The following CPEB3 variants were observed in gnomAD, a reference collection of about 807,000 sequenced individuals.
The protein encoded by CPEB3 is cytoplasmic polyadenylation element binding protein 3.
Under a neutral mutation model 67.2 loss-of-function variants are expected in CPEB3, and 20 were observed. That is an observed-to-expected ratio of 0.30 (90% CI 0.21 to 0.43). The LOEUF (loss-of-function observed/expected upper bound fraction) is 0.43, where lower values mean the gene tolerates loss of function less well. CPEB3 is among the 20% of genes least tolerant of loss of function. The pLI, the probability that CPEB3 is intolerant of heterozygous loss-of-function variation, is 1.00. For synonymous variants in CPEB3, 376 were observed against 393.1 expected, an observed-to-expected ratio of 0.96 and a Z score of 0.51; for missense variants, 746 against 968.6, an observed-to-expected ratio of 0.77 and a Z score of 3.05.
rs1233421685 is a variant in CPEB3, at chr10:92,189,938, T to C, written c.1165+2539A>G. 5.3e-5 allele frequency among the ~76,000 whole-genome samples: 8 copies of C among 151,364 alleles called. No individual in the cohort carries two copies. In the East Asian group the frequency reaches 1.5e-3, roughly 29 times the overall value. On this transcript the variant is annotated intron_variant, in intron 3 of 9. Coordinates refer to ENST00000265997, the MANE Select transcript of CPEB3 (RefSeq NM_014912.5). ...TTTTTTTCTGAAAAACAAAGGAAATTAAGCTCTAGGAAAAAAAAACACCAA... is the reference window on the plus strand; with the variant it reads ...TTTTTTTCTGAAAAACAAAGGAAATCAAGCTCTAGGAAAAAAAAACACCAA...
chr10:92,142,168 C>T (rs182589594), intron 6 of CPEB3, among the ~76,000 whole-genome samples: 43 of 152,086 alleles, frequency 2.8e-4, no homozygotes, highest in African/African-American at 1.0e-3. Context: ...TAAAAGGAAG[C>T]CACTTGCCTT....
chr10:92,139,067 T>C (rs1846257404), intron 6 of CPEB3, among the ~76,000 whole-genome samples: 2 of 151,936 alleles, frequency 1.3e-5, no homozygotes, highest in South Asian at 2.1e-4. Context: ...CACCTGAGGT[T>C]GGGAGTTCGA....
chr10:92,148,195 G>C (rs1324494529), intron 4 of CPEB3, among the ~76,000 whole-genome samples: 3 of 152,086 alleles, frequency 2.0e-5, no homozygotes, highest in African/African-American at 7.2e-5. Context: ...ACATAACTGT[G>C]AACTGCAAGG....
At chr10:92,229,571 A>G (rs1234658230) in intron 2 of CPEB3, among the ~76,000 whole-genome samples, 2 of 152,248 alleles carry the variant, frequency 1.3e-5, no homozygotes, top group Non-Finnish European at 2.9e-5. Flanking sequence ...ATGTCAAAGC[A>G]AGAACTCTGC....
intron 3 of CPEB3, among the ~76,000 whole-genome samples, 196 bp downstream of exon 3, chr10:92,192,281 A>G (rs77507593): frequency 0.017 from 2,586 of 152,312 alleles, 31 homozygotes; most frequent in Non-Finnish European, 0.029. Context: ...GACATGACTG[A>G]TAACAATCCA....
intron 1 of CPEB3, among the ~76,000 whole-genome samples, chr10:92,283,672 A>G (rs1409682017): frequency 6.6e-6 from 1 of 151,714 alleles, no homozygotes; most frequent in Non-Finnish European, 1.5e-5. Flanking sequence ...ACTACAAGTT[A>G]ACTTCCCAGT....
intron 6 of CPEB3, among the ~76,000 whole-genome samples, chr10:92,120,789 C>T (rs535174759): frequency 2.0e-5 from 3 of 151,982 alleles, no homozygotes; most frequent in East Asian, 2.0e-4. Flanking sequence ...CAACCTCTGC[C>T]GCCTGGGTTC....
intron 1 of CPEB3, chr10:92,272,006 TC>T (rs1853327706): frequency 6.6e-6 from 1 of 152,210 alleles, no homozygotes; most frequent in African/African-American, 2.4e-5. Flanking sequence ...CATATTTATT[TC>T]TATGGGTCCA....
intron 7 of CPEB3, among the ~76,000 whole-genome samples, chr10:92,094,983 T>C (rs538333644): frequency 1.3e-5 from 2 of 152,300 alleles, no homozygotes; most frequent in Non-Finnish European, 2.9e-5. Context: ...ATTTTAAAAA[T>C]GAAAACTATT....
intron 2 of CPEB3, among the ~76,000 whole-genome samples, chr10:92,217,139 C>T (rs1850453421): frequency 1.5e-5 from 2 of 130,068 alleles, no homozygotes; most frequent in Non-Finnish European, 1.6e-5. Flanking sequence ...ACCTGGGAGG[C>T]GGAGGTTACG....
intron 2 of CPEB3, among the ~76,000 whole-genome samples, chr10:92,201,783 ATAT>A (rs1361883316): frequency 6.6e-6 from 1 of 152,250 alleles, no homozygotes; most frequent in African/African-American, 2.4e-5. Context: ...GTAGCTCCTA[ATAT>A]TATTTTCTTC....
At chr10:92,270,100 A>G (rs1053811200) in intron 1 of CPEB3, among the ~76,000 whole-genome samples, 11 of 152,236 alleles carry the variant, frequency 7.2e-5, no homozygotes, top group Admixed American at 6.5e-4. Context: ...ACAGTCACTG[A>G]GAGCCTATGC....
In CPEB3 at chr10:92,163,189, C is replaced by T. The variant is rs149898498; in HGVS notation, c.1222+17774G>A. On this transcript the variant is annotated intron_variant, in intron 4 of 9. Transcript: ENST00000265997. The stretch of plus-strand genomic sequence containing the variant: ...GTGGCTCACACCTGTAATCCCAGCA[C>T]TCTGGGAGGCCAAGGCGGGTGGATC... Among the ~76,000 whole-genome samples the T allele has an allele frequency of 2.5e-3, 386 of 152,314 alleles. 2 individuals carry two copies. Among genetic ancestry groups the T allele is most frequent in the Admixed American group, 5.4e-3 (83 of 15,302 alleles).
chr10:92,173,082 A>G (rs35610093), intron 4 of CPEB3, among the ~76,000 whole-genome samples: 78 of 152,208 alleles, frequency 5.1e-4, no homozygotes, highest in Non-Finnish European at 9.3e-4. Context: ...GCCAGGCATT[A>G]TACTTCAAGC....
chr10:92,226,848 G>C (rs1851000473), intron 2 of CPEB3, among the ~76,000 whole-genome samples: 1 of 151,836 alleles, frequency 6.6e-6, no homozygotes, highest in South Asian at 2.1e-4. Context: ...GGGGCCTGTG[G>C]GGGTGGGGGC....
Position 92,281,298 on chromosome 10 carries a change from T to C in CPEB3, c.-12+9628A>G, listed in dbSNP as rs140234887. On this transcript the variant is annotated intron_variant, in intron 1 of 9. Coordinates refer to ENST00000265997, the MANE Select transcript of CPEB3 (RefSeq NM_014912.5). The stretch of plus-strand genomic sequence containing the variant: ...TTGGTAGAGACACAATCTCTCTATG[T>C]TGCCCAGGCTGGTTTTGAACTCCTT... 2.9e-3 allele frequency among the ~76,000 whole-genome samples: 443 copies of C among 151,840 alleles called. 2 individuals carry two copies. Among genetic ancestry groups the C allele is most frequent in the African/African-American group, 0.01 (420 of 41,434 alleles).
At chr10:92,275,223 T>G (rs535879930) in intron 1 of CPEB3, among the ~76,000 whole-genome samples, 2 of 152,226 alleles carry the variant, frequency 1.3e-5, no homozygotes, top group Non-Finnish European at 1.5e-5. Context: ...CTGTGCACTA[T>G]AGCATGTTTA....
intron 4 of CPEB3, among the ~76,000 whole-genome samples, chr10:92,147,550 A>G (rs1846745823): frequency 6.6e-6 from 1 of 152,094 alleles, no homozygotes; most frequent in South Asian, 2.1e-4. Context: ...GGAAATATTC[A>G]CCCATATTTC....
intron 6 of CPEB3, among the ~76,000 whole-genome samples, chr10:92,141,494 TG>T (rs1404955989): frequency 1.3e-5 from 1 of 75,634 alleles, no homozygotes; most frequent in East Asian, 3.6e-4. Flanking sequence ...GGTGGGGGGA[TG>T]GGGGAGGGAT....
Sources: allele counts gnomAD v4.1 joint callset (sites outside exome capture counted in the v4.1 genomes callset), GRCh38; gene constraint gnomAD v4.1.1; transcripts MANE v1.5; gene names NCBI Gene and HGNC (gene_info 2026-07-23, HGNC 2026-07-21).